NRXN3: variants seen among roughly 807,000 people sequenced by gnomAD.
The protein encoded by NRXN3 is neurexin 3, also known as neurexin III.
In NRXN3, 32 loss-of-function variants were observed where a neutral mutation model predicts 137.6. That is an observed-to-expected ratio of 0.23 (90% CI 0.18 to 0.31). NRXN3 has a LOEUF of 0.31. Among genes scored for constraint, NRXN3 ranks in the 10% least tolerant of loss-of-function variants. The pLI, the probability that NRXN3 is intolerant of heterozygous loss-of-function variation, is 1.00. For missense variants in NRXN3, 1,574 were observed against 2,062.5 expected (o/e 0.76, Z 4.59); for synonymous variants, 798 against 784.5 (o/e 1.02, Z -0.29).
chr14:79,217,318 A>G (rs2068709801), intron 15 of NRXN3, among the ~76,000 whole-genome samples: 1 of 152,144 alleles, frequency 6.6e-6, no homozygotes, highest in African/African-American at 2.4e-5. Flanking sequence ...GAGCAAGAGG[A>G]GTAGTGGGGT....
intron 20 of NRXN3, among the ~76,000 whole-genome samples, chr14:79,832,398 G>A (rs2099326646): frequency 6.6e-6 from 1 of 152,148 alleles, no homozygotes; most frequent in Non-Finnish European, 1.5e-5. Flanking sequence ...TGGCTCAATA[G>A]AGCCAGTAAT....
intron 4 of NRXN3, among the ~76,000 whole-genome samples, chr14:78,587,662 G>A (rs1480727661): frequency 6.6e-6 from 1 of 152,072 alleles, no homozygotes; most frequent in African/African-American, 2.4e-5. Flanking sequence ...TTTTTAATCT[G>A]AGCTAATCTG....
intron 10 of NRXN3, among the ~76,000 whole-genome samples, chr14:78,877,438 ACT>A (rs1346970793): frequency 6.6e-6 from 1 of 151,580 alleles, no homozygotes; most frequent in African/African-American, 2.4e-5. Context: ...CCTCCTTTTC[ACT>A]CTCACTCCAT....
chr14:78,769,991 G>T (rs1404529887), intron 8 of NRXN3, among the ~76,000 whole-genome samples: 1 of 151,754 alleles, frequency 6.6e-6, no homozygotes, highest in African/African-American at 2.4e-5. Flanking sequence ...GGATGTTCTT[G>T]TCTATTTTTG....
At chr14:79,766,105 T>G (rs2099055163) in intron 19 of NRXN3, among the ~76,000 whole-genome samples, 1 of 152,236 alleles carries the variant, frequency 6.6e-6, no homozygotes, top group African/African-American at 2.4e-5. Context: ...TGTTGAATAC[T>G]TGATCTGTTT....
At chr14:79,680,467 G>T (rs967266256) in intron 17 of NRXN3, among the ~76,000 whole-genome samples, 3 of 152,108 alleles carry the variant, frequency 2.0e-5, no homozygotes, top group Admixed American at 2.0e-4. Flanking sequence ...GTGTATGTGT[G>T]TGTGTGTGTC....
intron 15 of NRXN3, among the ~76,000 whole-genome samples, chr14:79,204,261 G>T (rs2066475263): frequency 6.6e-6 from 1 of 151,654 alleles, no homozygotes; most frequent in Non-Finnish European, 1.5e-5. Flanking sequence ...TCTTCTGCTT[G>T]CTCTGGTATA....
At chr14:78,311,056 T>C (rs2077922790) in intron 4 of NRXN3, among the ~76,000 whole-genome samples, 1 of 152,198 alleles carries the variant, frequency 6.6e-6, no homozygotes, top group Non-Finnish European at 1.5e-5. Context: ...ACTATCTGTG[T>C]TTTTACCTGT....
rs141717368 is a variant in NRXN3, at chr14:79,635,261, G to C, written c.3445-28517G>C. Among the ~76,000 whole-genome samples, 664 of 152,286 alleles carry C rather than the reference G, an allele frequency of 4.4e-3. 11 individuals carry two copies. Among genetic ancestry groups the C allele is most frequent in the Non-Finnish European group, 7.2e-3 (492 of 68,028 alleles). Reference sequence around the variant, plus strand: ...ACAGGAGAGAAACATGAGCTAAAAAGAAAACCAGTAAGCAAATGCACTAGC... The same window carrying C: ...ACAGGAGAGAAACATGAGCTAAAAACAAAACCAGTAAGCAAATGCACTAGC... On this transcript the variant is annotated intron_variant, in intron 16 of 20. Coordinates refer to ENST00000335750, the MANE Select transcript of NRXN3 (RefSeq NM_001330195.2).
chr14:79,602,963 G>A (rs1438097176), intron 16 of NRXN3, among the ~76,000 whole-genome samples: 1 of 152,100 alleles, frequency 6.6e-6, no homozygotes, highest in Admixed American at 6.5e-5. Context: ...CCTCCCCTGT[G>A]TGGAGCCTGG....
chr14:78,882,020 C>T (rs1173668175), intron 10 of NRXN3, among the ~76,000 whole-genome samples: 2 of 151,742 alleles, frequency 1.3e-5, no homozygotes, highest in South Asian at 2.1e-4. Flanking sequence ...TGCCAAGGTA[C>T]AGCTCAGGAT....
At chr14:79,483,159 AATG>A (rs891848834) in intron 16 of NRXN3, among the ~76,000 whole-genome samples, 1 of 152,206 alleles carries the variant, frequency 6.6e-6, no homozygotes, top group African/African-American at 2.4e-5. Flanking sequence ...AGATTCAAAG[AATG>A]ATATTTTGTA....
rs536348503 is a variant in NRXN3, at chr14:78,678,576, A to T, written c.1221+27250A>T. On this transcript the variant is annotated intron_variant, in intron 6 of 20. Coordinates refer to ENST00000335750, the MANE Select transcript of NRXN3 (RefSeq NM_001330195.2). ...ACTAGGTATTGCCAAATTGCTTTCC[A>T]AAGTGATGTACAAATTCACACTCCC... Among the ~76,000 whole-genome samples the T allele has an allele frequency of 8.7e-4, 132 of 152,270 alleles. 3 individuals carry two copies. The South Asian group carries it at 0.026, about 30-fold the overall frequency.
intron 17 of NRXN3, among the ~76,000 whole-genome samples, chr14:79,676,712 G>A (rs866575081): frequency 5.1e-4 from 78 of 151,886 alleles, no homozygotes; most frequent in African/African-American, 1.9e-3. Context: ...TACCTTATAT[G>A]TATATATACC....
rs181117869 is a variant in NRXN3, at chr14:79,120,538, T to C, written c.3262+132397T>C. Reference sequence around the variant, plus strand: ...AGTGAATATTCAGAATAGAAGCTGATAGAAAAATCAAACCATAGAAAAGCA... The same window carrying C: ...AGTGAATATTCAGAATAGAAGCTGACAGAAAAATCAAACCATAGAAAAGCA... On this transcript the variant is annotated intron_variant, in intron 15 of 20. Coordinates refer to ENST00000335750, the MANE Select transcript of NRXN3 (RefSeq NM_001330195.2). 5.3e-5 allele frequency among the ~76,000 whole-genome samples: 8 copies of C among 152,160 alleles called. No individual in the cohort carries two copies. The East Asian group carries it at 1.2e-3, about 22-fold the overall frequency.
chr14:79,480,499 G>A (rs1675674485), intron 16 of NRXN3, among the ~76,000 whole-genome samples: 1 of 152,164 alleles, frequency 6.6e-6, no homozygotes, highest in African/African-American at 2.4e-5. Flanking sequence ...AGGTTTAGTT[G>A]AGAAAAGATA....
chr14:79,845,896 A>AGACAGAGAGAG lies in NRXN3; in HGVS notation c.4094-15446_4094-15445insGACAGAGAGAG, dbSNP rs1568436463. Among the ~76,000 whole-genome samples the AGACAGAGAGAG allele has an allele frequency of 2.9e-3, 273 of 93,542 alleles. 36 individuals are homozygous for AGACAGAGAGAG. Among genetic ancestry groups the AGACAGAGAGAG allele is most frequent in the African/African-American group, 0.011 (252 of 23,570 alleles). The allele number at this position is 93,542 out of a possible 152,430, so 61.4% of individuals were successfully genotyped here. A position where few individuals can be genotyped will look rare whatever the true frequency, so the allele number is the denominator to read the frequency against. On this transcript the variant is annotated intron_variant, in intron 20 of 20. Transcript: ENST00000335750. Reference sequence around the variant, plus strand: ...ATGGAGAGAGAGAGAGATGGAGAGAAAGACAGAGAGAGAGACGGAGACAGA... The same window carrying AGACAGAGAGAG: ...ATGGAGAGAGAGAGAGATGGAGAGAAGACAGAGAGAGAGACAGAGAGAGAGACGGAGACAGA...
intron 4 of NRXN3, among the ~76,000 whole-genome samples, chr14:78,598,739 C>A (rs982509567): frequency 1.3e-5 from 2 of 152,182 alleles, no homozygotes; most frequent in African/African-American, 4.8e-5. Flanking sequence ...GAGCCAATAT[C>A]TCGGTAATTG....
At chr14:79,334,727 G>C (rs1418863218) in intron 15 of NRXN3, among the ~76,000 whole-genome samples, 3 of 152,194 alleles carry the variant, frequency 2.0e-5, no homozygotes, top group African/African-American at 7.2e-5. Flanking sequence ...AGATATATTA[G>C]TGTGGTAGTG....
Sources: allele counts gnomAD v4.1 joint callset (sites outside exome capture counted in the v4.1 genomes callset), GRCh38; gene constraint gnomAD v4.1.1; transcripts MANE v1.5; gene names NCBI Gene and HGNC (gene_info 2026-07-23, HGNC 2026-07-21).